DYSF: variants seen among roughly 807,000 people sequenced by gnomAD.
DYSF encodes the protein dysferlin.
In DYSF, 212 loss-of-function variants were observed where a neutral mutation model predicts 274.9. The ratio of observed to expected loss-of-function variants is 0.77; its 90% CI spans 0.69 to 0.86. DYSF has a LOEUF of 0.86. DYSF is among the 40% of genes least tolerant of loss of function. DYSF has a pLI of 0.00. For missense variants in DYSF, 2,666 were observed against 2,783.2 expected (o/e 0.96, Z 0.95); for synonymous variants, 1,091 against 1,078.7 (o/e 1.01, Z -0.22).
intron 1 of DYSF, among the ~76,000 whole-genome samples, chr2:71,473,429 A>G (rs1169285418): frequency 6.6e-6 from 1 of 152,232 alleles, no homozygotes; most frequent in Non-Finnish European, 1.5e-5. Flanking sequence ...GGGATAAGCA[A>G]GAGTCTGCAT....
At position 71,659,022 on chromosome 2, in the gene DYSF, C is replaced by A; in HGVS notation, c.4900C>A (p.Pro1634Thr). 1 of 1,614,128 alleles carries A rather than the reference C, an allele frequency of 6.2e-7. No individual in the cohort carries two copies. Among genetic ancestry groups the A allele is most frequent in the East Asian group, 2.2e-5 (1 of 44,874 alleles). Residue 1634 changes from proline (P) to threonine (T), a missense_variant, in exon 44 of 56, where the codon CCC (proline) becomes ACC (threonine). Physicochemically the swap from Pro to Thr is conservative, Grantham distance 38. Transcript: ENST00000410020. ...AGCATTTGGCCTGCAGCCCAAGGACCCCAATGGAAAGGTAACTTTCCTAGA... is the reference window on the plus strand; with the variant it reads ...AGCATTTGGCCTGCAGCCCAAGGACACCAATGGAAAGGTAACTTTCCTAGA... ...VRAFGLQPKD[P>T]NGKCDPYIKI...
chr2:71,550,062 C>A (rs142212946), intron 17 of DYSF, among the ~76,000 whole-genome samples: 1 of 152,232 alleles, frequency 6.6e-6, no homozygotes, highest in Admixed American at 6.5e-5. Context: ...CTAGCTCAAA[C>A]GCTTCTTTGC....
chr2:71,665,546 A>G (rs1002949096), intron 47 of DYSF, among the ~76,000 whole-genome samples: 3 of 152,144 alleles, frequency 2.0e-5, no homozygotes, highest in African/African-American at 7.2e-5. Context: ...GTGCAGTCCA[A>G]GGCCAGGTTG....
intron 36 of DYSF, among the ~76,000 whole-genome samples, chr2:71,604,124 A>C (rs2093605190): frequency 6.6e-6 from 1 of 152,022 alleles, no homozygotes; most frequent in African/African-American, 2.4e-5. Flanking sequence ...CAAAGGGTCC[A>C]AGGAGGACCT....
chr2:71,651,615 T>G (rs1220653932), intron 42 of DYSF, among the ~76,000 whole-genome samples: 2 of 152,146 alleles, frequency 1.3e-5, no homozygotes, highest in African/African-American at 4.8e-5. Flanking sequence ...CTATATGTAG[T>G]ATTTCACAGC....
chr2:71,572,778 A>G (rs1200613065), intron 29 of DYSF, among the ~76,000 whole-genome samples: 1 of 152,214 alleles, frequency 6.6e-6, no homozygotes, highest in Non-Finnish European at 1.5e-5. Flanking sequence ...TCCCTGGAGC[A>G]GGTGGCTTCT....
At chr2:71,520,681 C>T (rs971254530) in intron 11 of DYSF, 108 bp from the exon 12 acceptor site, 59 of 902,032 alleles carry the variant, frequency 6.5e-5, no homozygotes, top group African/African-American at 1.8e-4. Context: ...CATGGCCCAG[C>T]GGATGAGTCC....
chr2:71,467,213 A>G lies in DYSF; in HGVS notation c.91+280A>G, dbSNP rs61322674. Among the ~76,000 whole-genome samples, 27,348 of 152,244 alleles carry G rather than the reference A, an allele frequency of 0.18. 2,705 individuals are homozygous for G. Among genetic ancestry groups the G allele is most frequent in the East Asian group, 0.45 (2,327 of 5,182 alleles). On this transcript the variant is annotated intron_variant, in intron 1 of 55. Coordinates refer to ENST00000410020, the MANE Select transcript of DYSF (RefSeq NM_001130987.2). The stretch of plus-strand genomic sequence containing the variant: ...TAAGACTGACACCCAGAGGAAATAA[A>G]GTCCGAGCTTTTACTGGGTAGTGGG...
At chr2:71,618,183 TATAA>T (rs2093961359) in intron 40 of DYSF, among the ~76,000 whole-genome samples, 1 of 92,106 alleles carries the variant, frequency 1.1e-5, no homozygotes, top group Non-Finnish European at 2.2e-5. Flanking sequence ...AGAGGTGGGG[TATAA>T]GTGTGTGTGG....
At chr2:71,539,833 G>A (rs1244403644) in intron 17 of DYSF, among the ~76,000 whole-genome samples, 2 of 152,142 alleles carry the variant, frequency 1.3e-5, no homozygotes, top group East Asian at 3.8e-4. Flanking sequence ...ATTGCTTTTT[G>A]ATACTTGACA....
intron 43 of DYSF, among the ~76,000 whole-genome samples, chr2:71,656,598 T>G (rs2094776401): frequency 6.6e-6 from 1 of 152,132 alleles, no homozygotes; most frequent in South Asian, 2.1e-4. Context: ...AAAGACACAT[T>G]CAAGACTGGG....
intron 27 of DYSF, 95 bp downstream of exon 27, chr2:71,570,029 C>T: frequency 8.1e-7 from 1 of 1,235,858 alleles, no homozygotes; most frequent in Non-Finnish European, 1.2e-6. Flanking sequence ...TCTCTTTGCC[C>T]CCTCTTACCT....
rs942557443 is a variant in DYSF, at chr2:71,669,278, C to T, written c.5642+71C>T. ...CGTGCTCCCTCTGGGTTGTGCACAG[C>T]ACGGGGGGCTCTGGCTCAGGGAAGG... is the stretch of plus-strand genomic sequence containing the variant. On this transcript the variant is annotated intron_variant, in intron 50 of 55. Transcript: ENST00000410020. 4 of 1,301,208 alleles carry T rather than the reference C, an allele frequency of 3.1e-6. 1 individual carries two copies. In the African/African-American group the frequency reaches 5.8e-5, roughly 19 times the overall value. The allele number at this position is 1,301,208 out of a possible 1,614,324, so 80.6% of individuals were successfully genotyped here. A position where few individuals can be genotyped will look rare whatever the true frequency, so the allele number is the denominator to read the frequency against.
At chr2:71,454,502 C>G (rs1019202772) in intron 1 of DYSF, among the ~76,000 whole-genome samples, 6 of 152,240 alleles carry the variant, frequency 3.9e-5, no homozygotes, top group African/African-American at 1.4e-4. Flanking sequence ...CCGCCCCGAT[C>G]TGCGCCTGGC....
chr2:71,667,511 A>ACCCTT lies in DYSF; in HGVS notation c.5453_5454insCCCTT (p.Glu1818AspfsTer47), dbSNP rs773101007. ...TACAGCCCCCTGCAGCCAGACATCG[A>ACCCTT]GCAGGTAGGACCTTGACCCTTGGGT... On this transcript the variant is annotated frameshift_variant, in exon 48 of 56. Coordinates refer to ENST00000410020, the MANE Select transcript of DYSF (RefSeq NM_001130987.2). LOFTEE classifies it high-confidence loss of function. 6.2e-7 allele frequency: 1 copy of ACCCTT among 1,614,088 alleles called. No homozygotes were observed. The highest frequency in any genetic ancestry group is 1.7e-5 in the Admixed American group (1 of 60,012).
chr2:71,528,633 T>C (rs1157246672), intron 14 of DYSF, among the ~76,000 whole-genome samples: 2 of 151,948 alleles, frequency 1.3e-5, no homozygotes, highest in Non-Finnish European at 2.9e-5. Context: ...GACACATAGA[T>C]GTGGATGGCC....
chr2:71,581,042 A>G (rs1200707642), intron 30 of DYSF, among the ~76,000 whole-genome samples: 1 of 152,208 alleles, frequency 6.6e-6, no homozygotes, highest in Non-Finnish European at 1.5e-5. Flanking sequence ...CTGGAACACT[A>G]TTAATAATCA....
chr2:71,681,258 G>A (rs1357353297), intron 54 of DYSF, 148 bp downstream of exon 54: 1 of 740,408 alleles, frequency 1.4e-6, no homozygotes, highest in Admixed American at 2.0e-5. Flanking sequence ...CACACAGTAA[G>A]TTAGGGGGAA....
chr2:71,632,044 A>G (rs933482202), intron 41 of DYSF, among the ~76,000 whole-genome samples: 2 of 152,132 alleles, frequency 1.3e-5, no homozygotes, highest in Non-Finnish European at 2.9e-5. Context: ...ATCTAGAGAA[A>G]AAACACTCAT....
Sources: allele counts gnomAD v4.1 joint callset (sites outside exome capture counted in the v4.1 genomes callset), GRCh38; gene constraint gnomAD v4.1.1; transcripts MANE v1.5; gene names NCBI Gene and HGNC (gene_info 2026-07-23, HGNC 2026-07-21).